Variants in ZSWIM6 observed in about 807,000 individuals in gnomAD.
The protein encoded by ZSWIM6 is zinc finger SWIM-type containing 6, also known as zinc finger SWIM domain-containing protein 6.
In ZSWIM6, 9 loss-of-function variants were observed where a neutral mutation model predicts 113.2. The ratio of observed to expected loss-of-function variants is 0.08; its 90% CI spans 0.05 to 0.14. The LOEUF (loss-of-function observed/expected upper bound fraction) is 0.14. Among genes scored for constraint, ZSWIM6 ranks in the 10% least tolerant of loss-of-function variants. ZSWIM6 has a pLI of 1.00. For synonymous variants in ZSWIM6, 611 were observed against 606.5 expected (o/e 1.01, Z -0.11); for missense variants, 1,162 against 1,552.2 (o/e 0.75, Z 4.22).
At chr5:61,517,601 A>G (rs1346212613) in intron 4 of ZSWIM6, among the ~76,000 whole-genome samples, 3 of 151,976 alleles carry the variant, frequency 2.0e-5, no homozygotes, top group African/African-American at 7.2e-5. Context: ...TCTAACATCT[A>G]GTTCATCTTG....
At chr5:61,507,478 T>G (rs1007065568) in intron 4 of ZSWIM6, among the ~76,000 whole-genome samples, 2 of 152,208 alleles carry the variant, frequency 1.3e-5, no homozygotes, top group Non-Finnish European at 2.9e-5. Flanking sequence ...ATGCAGACAC[T>G]GACTTAACTC....
At chr5:61,541,812 G>C in intron 12 of ZSWIM6, 72 bp from the exon 13 acceptor site, 1 of 1,318,324 alleles carries the variant, frequency 7.6e-7, no homozygotes, top group Non-Finnish European at 1.1e-6. Context: ...ATGCCTTATA[G>C]TTTATCCCCC....
intron 1 of ZSWIM6, among the ~76,000 whole-genome samples, chr5:61,357,529 G>T (rs1382231818): frequency 6.6e-6 from 1 of 151,084 alleles, no homozygotes; most frequent in Non-Finnish European, 1.5e-5. Context: ...TTCCAGTTTT[G>T]CACCAGTGCC....
intron 2 of ZSWIM6, among the ~76,000 whole-genome samples, chr5:61,474,727 A>T (rs1747665112): frequency 6.6e-6 from 1 of 152,046 alleles, no homozygotes; most frequent in Non-Finnish European, 1.5e-5. Context: ...ACTGCTATTT[A>T]TTTGTCCTTG....
intron 1 of ZSWIM6, among the ~76,000 whole-genome samples, chr5:61,439,876 C>T (rs1362602288): frequency 6.6e-6 from 1 of 152,064 alleles, no homozygotes; most frequent in Admixed American, 6.5e-5. Context: ...TCTATTTTCT[C>T]ATGGAATTTG....
intron 1 of ZSWIM6, among the ~76,000 whole-genome samples, chr5:61,369,122 C>T (rs769255446): frequency 1.1e-4 from 17 of 152,214 alleles, no homozygotes; most frequent in Non-Finnish European, 1.8e-4. Flanking sequence ...GTGTGTTGTA[C>T]ATCACTTCAT....
rs148939135 is a variant in ZSWIM6 at position 61,468,969 on chromosome 5, T to C, written c.677-3712T>C. ...GTATTTAAGGTAAAACTTCTCTACTTTAGCATGCTCACCTAAAGGTAAGGG... is the reference window on the plus strand; with the variant it reads ...GTATTTAAGGTAAAACTTCTCTACTCTAGCATGCTCACCTAAAGGTAAGGG... On this transcript the variant is annotated intron_variant, in intron 1 of 13. Coordinates refer to ENST00000252744, the MANE Select transcript of ZSWIM6 (RefSeq NM_020928.2). Among the ~76,000 whole-genome samples the C allele has an allele frequency of 4.5e-3, 679 of 152,276 alleles. 3 individuals are homozygous for C. Among genetic ancestry groups the C allele is most frequent in the African/African-American group, 0.015 (632 of 41,542 alleles).
chr5:61,441,171 T>C (rs547312864), intron 1 of ZSWIM6, among the ~76,000 whole-genome samples: 1 of 152,208 alleles, frequency 6.6e-6, no homozygotes, highest in South Asian at 2.1e-4. Context: ...GATTATATTA[T>C]GTATAAAAAT....
chr5:61,481,102 G>A (rs963911378), intron 2 of ZSWIM6, among the ~76,000 whole-genome samples: 8 of 152,160 alleles, frequency 5.3e-5, no homozygotes, highest in African/African-American at 1.7e-4. Flanking sequence ...TTGGGTCACA[G>A]TTAAGATGAA....
chr5:61,380,650 G>T (rs1351196596), intron 1 of ZSWIM6, among the ~76,000 whole-genome samples: 1 of 152,270 alleles, frequency 6.6e-6, no homozygotes, highest in East Asian at 1.9e-4. Flanking sequence ...CACCTAGCAG[G>T]TACTCAAGAA....
intron 1 of ZSWIM6, among the ~76,000 whole-genome samples, chr5:61,383,967 C>A (rs980938057): frequency 2.8e-4 from 42 of 151,294 alleles, no homozygotes; most frequent in African/African-American, 1.0e-3. Flanking sequence ...AGTGGCCGGG[C>A]GCGGTGGCTC....
intron 1 of ZSWIM6, among the ~76,000 whole-genome samples, chr5:61,451,481 A>G (rs1747086012): frequency 1.3e-5 from 2 of 152,168 alleles, no homozygotes; most frequent in Non-Finnish European, 2.9e-5. Flanking sequence ...TTGGAGTACT[A>G]AGTTAACATT....
chr5:61,540,010 T>C (rs1182425155), intron 12 of ZSWIM6, among the ~76,000 whole-genome samples: 2 of 152,208 alleles, frequency 1.3e-5, no homozygotes, highest in Admixed American at 1.3e-4. Flanking sequence ...AAAATCATTT[T>C]CTGAATTGCA....
At chr5:61,442,182 G>A (rs1056761954) in intron 1 of ZSWIM6, among the ~76,000 whole-genome samples, 4 of 152,048 alleles carry the variant, frequency 2.6e-5, no homozygotes, top group African/African-American at 9.7e-5. Context: ...GAGACTGTTT[G>A]GGAGGTCTGA....
At chr5:61,530,282 T>C (rs958004843) in intron 8 of ZSWIM6, 84 bp downstream of exon 8, 1 of 1,369,818 alleles carries the variant, frequency 7.3e-7, no homozygotes, top group Non-Finnish European at 9.7e-7. Flanking sequence ...TTACATTATG[T>C]TTTATGGAAC....
chr5:61,446,483 A>C (rs1473104965), intron 1 of ZSWIM6, among the ~76,000 whole-genome samples: 2 of 152,222 alleles, frequency 1.3e-5, no homozygotes, highest in Admixed American at 1.3e-4. Context: ...CATTAAACCA[A>C]CAACATTAAA....
chr5:61,419,682 T>G (rs1214936067), intron 1 of ZSWIM6, among the ~76,000 whole-genome samples: 1 of 152,252 alleles, frequency 6.6e-6, no homozygotes, highest in Non-Finnish European at 1.5e-5. Flanking sequence ...AAAATTCTAT[T>G]AGACAGCACT....
intron 7 of ZSWIM6, among the ~76,000 whole-genome samples, chr5:61,527,448 A>G (rs1749318585): frequency 6.6e-6 from 1 of 152,200 alleles, no homozygotes; most frequent in Non-Finnish European, 1.5e-5. Context: ...GCAAGTGTCT[A>G]TTGTAACTTT....
At chr5:61,432,337 C>T (rs370004553) in intron 1 of ZSWIM6, among the ~76,000 whole-genome samples, 50 of 152,100 alleles carry the variant, frequency 3.3e-4, no homozygotes, top group Non-Finnish European at 5.7e-4. Context: ...CCACAGAGTA[C>T]GTAAGAGTGT....
Sources: gnomAD v4.1 joint callset for allele counts (sites outside exome capture counted in the v4.1 genomes callset) on GRCh38, gnomAD v4.1.1 for gene constraint, MANE v1.5 for transcripts, NCBI Gene and HGNC (gene_info 2026-07-23, HGNC 2026-07-21) for gene names.